ARSG: variants seen among roughly 807,000 people sequenced by gnomAD.
ARSG encodes the protein arylsulfatase G, also known as ASG.
ARSG carries 37 observed loss-of-function variants against 50.5 expected under a neutral mutation model. The ratio of observed to expected loss-of-function variants is 0.73; its 90% CI spans 0.56 to 0.96. ARSG has a LOEUF of 0.96. ARSG is among the 50% of genes least tolerant of loss of function. The pLI is 0.00. For missense variants in ARSG, 629 were observed against 675.3 expected, an observed-to-expected ratio of 0.93 and a Z score of 0.76; for synonymous variants, 225 against 254.6, an observed-to-expected ratio of 0.88 and a Z score of 1.11.
At chr17:68,436,908 C>T in the ARSG span, among the ~76,000 whole-genome samples, 4 of 151,740 alleles carry the variant, frequency 2.6e-5, no homozygotes, top group African/African-American at 9.7e-5. Flanking sequence ...GCAGGAGAAT[C>T]GCTTGAACCC....
At chr17:68,309,423 C>T (rs558239961) in intron 2 of ARSG, among the ~76,000 whole-genome samples, 43 of 152,326 alleles carry the variant, frequency 2.8e-4, no homozygotes, top group Admixed American at 1.8e-3. Flanking sequence ...GAGGAGGCGC[C>T]GAGAGCGAGC....
At chr17:68,310,802 C>T (rs1417531467) in intron 2 of ARSG, among the ~76,000 whole-genome samples, 1 of 152,226 alleles carries the variant, frequency 6.6e-6, no homozygotes, top group African/African-American at 2.4e-5. Context: ...AGTTCTTCCT[C>T]ACCTCCATCA....
chr17:68,334,203 T>TC (rs1332698983), intron 2 of ARSG, among the ~76,000 whole-genome samples: 1 of 152,168 alleles, frequency 6.6e-6, no homozygotes, highest in African/African-American at 2.4e-5. Flanking sequence ...AGGCCAGGCT[T>TC]CCAGATGGAC....
the ARSG span, among the ~76,000 whole-genome samples, chr17:68,434,947 A>C: frequency 5.9e-5 from 9 of 152,158 alleles, no homozygotes; most frequent in African/African-American, 2.2e-4. Context: ...CACGCCTGTA[A>C]TCCTAGCACT....
intron 3 of ARSG, 145 bp from the exon 4 acceptor site, chr17:68,346,980 C>T: frequency 6.5e-7 from 1 of 1,536,842 alleles, no homozygotes; most frequent in African/African-American, 1.4e-5. Context: ...CAAAGCCTGG[C>T]TTGTACACCA....
chr17:68,277,940 T>A, intron 1 of ARSG: 1 of 605,064 alleles, frequency 1.7e-6, no homozygotes, highest in Non-Finnish European at 2.9e-6. Context: ...TCCTCAATGC[T>A]CTGAAAACCC....
chr17:68,433,803 CAG>C, the ARSG span, among the ~76,000 whole-genome samples: 1 of 88,790 alleles, frequency 1.1e-5, no homozygotes, highest in African/African-American at 5.3e-5. Flanking sequence ...TTTTTTGAGA[CAG>C]AGTCTCTCGC....
intron 3 of ARSG, among the ~76,000 whole-genome samples, chr17:68,346,090 A>G (rs912329833): frequency 6.6e-6 from 1 of 152,220 alleles, no homozygotes; most frequent in Non-Finnish European, 1.5e-5. Context: ...TGCCCAGGCT[A>G]GTCTCAAACT....
At chr17:68,319,023 T>C (rs1362176580) in intron 2 of ARSG, among the ~76,000 whole-genome samples, 5 of 152,208 alleles carry the variant, frequency 3.3e-5, no homozygotes, top group Admixed American at 2.6e-4. Context: ...AGTAACCTAA[T>C]GGAAGATGCG....
chr17:68,312,342 T>C (rs1430628103), intron 2 of ARSG, among the ~76,000 whole-genome samples: 1 of 152,204 alleles, frequency 6.6e-6, no homozygotes, highest in African/African-American at 2.4e-5. Context: ...AAATTTTGCA[T>C]GTAGGAATAC....
At chr17:68,447,594 T>C in the ARSG span, among the ~76,000 whole-genome samples, 1 of 152,128 alleles carries the variant, frequency 6.6e-6, no homozygotes, top group African/African-American at 2.4e-5. Flanking sequence ...TCTCGTTACA[T>C]TGCCCAAGCT....
At chr17:68,375,427 G>T (rs969614075) in intron 8 of ARSG, among the ~76,000 whole-genome samples, 3 of 152,174 alleles carry the variant, frequency 2.0e-5, no homozygotes, top group Non-Finnish European at 4.4e-5. Context: ...CACTCAGGAT[G>T]GGTCCCAGGA....
At chr17:68,450,823 G>T in the ARSG span, 1 of 1,614,186 alleles carries the variant, frequency 6.2e-7, no homozygotes. Context: ...ATCTGCCGTG[G>T]TTTTGTGTGA....
chr17:68,422,428 C>CA (rs141137787), downstream of ARSG: 1,383 of 106,062 alleles, frequency 0.013, 19 homozygotes, highest in African/African-American at 0.042. Context: ...GACTCCATCT[C>CA]AAAAAAAAAA....
chr17:68,271,569 T>G lies in ARSG; in HGVS notation c.-552+12143T>G, dbSNP rs2075341015. On this transcript the variant is annotated intron_variant, in intron 1 of 11. Transcript: ENST00000448504. The surrounding 1 kb of genome is among the most constrained non-coding windows in gnomAD (Gnocchi z 5.3). Reference sequence around the variant, plus strand: ...TGATAAAGATGGGTCTGAGCAGTGCTCCGAAGATGACAATGTTTAACTGTA... The same window carrying G: ...TGATAAAGATGGGTCTGAGCAGTGCGCCGAAGATGACAATGTTTAACTGTA... 4.3e-6 allele frequency: 7 copies of G among 1,614,112 alleles called. No homozygotes were observed. Among genetic ancestry groups the G allele is most frequent in the African/African-American group, 1.3e-5 (1 of 74,944 alleles).
chr17:68,284,422 T>C (rs1232335895), intron 1 of ARSG, among the ~76,000 whole-genome samples: 16 of 152,144 alleles, frequency 1.1e-4, no homozygotes, highest in Middle Eastern at 3.4e-3. Flanking sequence ...ATAAATAAAA[T>C]GTAAAAAGAA....
At chr17:68,322,047 A>C (rs2077306350) in intron 2 of ARSG, among the ~76,000 whole-genome samples, 1 of 152,250 alleles carries the variant, frequency 6.6e-6, no homozygotes, top group Non-Finnish European at 1.5e-5. Context: ...TTGCAAATAA[A>C]GGAAACGAGA....
At chr17:68,427,314 C>A (rs2083262094), downstream of ARSG, 1 of 1,276,378 alleles carries the variant, frequency 7.8e-7, no homozygotes, top group Non-Finnish European at 1.1e-6. Context: ...TCTAGGACAC[C>A]TTCCAAAGGA....
intron 11 of ARSG, among the ~76,000 whole-genome samples, chr17:68,417,375 A>G (rs1340186965): frequency 1.3e-5 from 2 of 152,160 alleles, no homozygotes; most frequent in African/African-American, 4.8e-5. Flanking sequence ...CCCCTTTTGG[A>G]AGGATGAAGA....
Sources: gnomAD v4.1 joint callset for allele counts (sites outside exome capture counted in the v4.1 genomes callset) on GRCh38, gnomAD v4.1.1 for gene constraint, Gnocchi (gnomAD v3.1) non-coding constraint, MANE v1.5 for transcripts, NCBI Gene and HGNC (gene_info 2026-07-23, HGNC 2026-07-21) for gene names.